Variants in FAM193A observed in about 807,000 individuals in gnomAD.
FAM193A encodes protein FAM193A.
In FAM193A, 22 loss-of-function variants were observed where a neutral mutation model predicts 126.5. The ratio of observed to expected loss-of-function variants is 0.17; its 90% confidence interval spans 0.12 to 0.25. FAM193A has a LOEUF of 0.25. FAM193A is among the 10% of genes least tolerant of loss of function. The pLI is 1.00. For missense variants in FAM193A, 1,675 were observed against 1,672.8 expected (o/e 1.00, Z -0.02); for synonymous variants, 761 against 646.8 (o/e 1.18, Z -2.68).
intron 13 of FAM193A, among the ~76,000 whole-genome samples, chr4:2,687,087 C>A (rs1376036628): frequency 6.6e-6 from 1 of 152,052 alleles, no homozygotes; most frequent in African/African-American, 2.4e-5. Flanking sequence ...CCTCCTCTCC[C>A]CCTTTGCCTT....
At position 2,625,574 on chromosome 4, in the gene FAM193A, C is replaced by G; in HGVS notation, c.635+179C>G. The G allele has an allele frequency of 8.8e-6, 4 of 456,214 alleles. No individual in the cohort carries two copies. The East Asian group carries it at 1.0e-4, about 11-fold the overall frequency. 28.3% of individuals were successfully genotyped at this position (456,214 alleles called of 1,614,324 possible). ...GACAAAAACTGTTGCTCTTGAGGAA[C>G]TGGCACTAGGAAGCATCCTCAGAAC... is the stretch of plus-strand genomic sequence containing the variant. On this transcript the variant is annotated intron_variant, in intron 3 of 20. Coordinates refer to ENST00000637812, the MANE Select transcript of FAM193A (RefSeq NM_001366318.2).
intron 1 of FAM193A, among the ~76,000 whole-genome samples, chr4:2,568,274 C>G (rs1739087730): frequency 6.6e-6 from 1 of 152,056 alleles, no homozygotes; most frequent in African/African-American, 2.4e-5. Context: ...ATTTTAAGGC[C>G]TAGTACGTTG....
intron 1 of FAM193A, among the ~76,000 whole-genome samples, chr4:2,542,816 G>A (rs1737311007): frequency 6.6e-6 from 1 of 152,110 alleles, no homozygotes; most frequent in Non-Finnish European, 1.5e-5. Context: ...TTTCAGGAGT[G>A]GTCACAGTCC....
At chr4:2,699,526 G>A (rs920763422) in intron 18 of FAM193A, among the ~76,000 whole-genome samples, 154 bp from the exon 19 acceptor site, 1 of 150,942 alleles carries the variant, frequency 6.6e-6, no homozygotes, top group African/African-American at 2.4e-5. Context: ...TAAGAGAATT[G>A]GAGGTGGGTG....
intron 18 of FAM193A, among the ~76,000 whole-genome samples, chr4:2,698,263 G>C (rs1326213191): frequency 6.6e-6 from 1 of 152,220 alleles, no homozygotes; most frequent in African/African-American, 2.4e-5. Flanking sequence ...CTTGTTATTT[G>C]TCCATATATT....
At position 2,616,563 on chromosome 4, in the gene FAM193A, AT is replaced by A. The variant is rs1176761666; in HGVS notation, c.502-8687del. ...GTTACTCTTCTTTTAAATGAATTGA[AT>A]TTTTTTTTTTTGAAACAGGGTCTCA... On this transcript the variant is annotated intron_variant, in intron 2 of 20. Coordinates refer to ENST00000637812, the MANE Select transcript of FAM193A (RefSeq NM_001366318.2). Among the ~76,000 whole-genome samples the A allele has an allele frequency of 4.0e-3, 587 of 145,500 alleles. 5 individuals are homozygous for A. The highest frequency in any genetic ancestry group is 0.013 in the African/African-American group (504 of 39,978).
intron 2 of FAM193A, among the ~76,000 whole-genome samples, chr4:2,617,262 A>ATATATATATATATATATTTT (rs1553895173): frequency 8.0e-5 from 2 of 25,076 alleles, no homozygotes; most frequent in African/African-American, 9.6e-4. Context: ...ATATATATAT[A>ATATATATATATATATATTTT]TTTTTTTTTT....
intron 1 of FAM193A, among the ~76,000 whole-genome samples, chr4:2,541,506 C>T (rs145606382): frequency 0.028 from 4,111 of 144,710 alleles, 207 homozygotes; most frequent in African/African-American, 0.1. Context: ...AGAGCAGTGG[C>T]GTGATCTTGA....
chr4:2,709,999 A>G (rs180760076), intron 19 of FAM193A, among the ~76,000 whole-genome samples: 16 of 152,254 alleles, frequency 1.1e-4, no homozygotes, highest in Admixed American at 1.0e-3. Context: ...AAGGTAGTCT[A>G]GTCATAGTTT....
At chr4:2,601,725 TAA>T (rs974230252) in intron 2 of FAM193A, among the ~76,000 whole-genome samples, 2 of 143,316 alleles carry the variant, frequency 1.4e-5, no homozygotes, top group African/African-American at 5.1e-5. Context: ...TCTGTCTCTA[TAA>T]AAAAAAAAAA....
At chr4:2,586,254 A>AAAT (rs1553889912) in intron 1 of FAM193A, among the ~76,000 whole-genome samples, 8 of 150,882 alleles carry the variant, frequency 5.3e-5, no homozygotes, top group East Asian at 3.9e-4. Context: ...CAAAAAAAAA[A>AAAT]ATATATATAT....
intron 12 of FAM193A, among the ~76,000 whole-genome samples, chr4:2,671,586 C>T (rs191712790): frequency 2.6e-5 from 4 of 152,302 alleles, no homozygotes; most frequent in Admixed American, 6.5e-5. Context: ...AAATGTGTCG[C>T]GGTATTTTCC....
At chr4:2,681,990 T>G (rs1404585353) in intron 13 of FAM193A, among the ~76,000 whole-genome samples, 3 of 145,978 alleles carry the variant, frequency 2.1e-5, no homozygotes, top group Admixed American at 6.8e-5. Context: ...TTTTTTGGTT[T>G]TTTTTTTTTT....
intron 18 of FAM193A, among the ~76,000 whole-genome samples, chr4:2,697,018 A>G (rs1309155158): frequency 6.6e-6 from 1 of 152,078 alleles, no homozygotes; most frequent in Non-Finnish European, 1.5e-5. Context: ...GGCACAGGGA[A>G]GTCTTCTGGA....
At chr4:2,623,336 A>G (rs1261331371) in intron 2 of FAM193A, among the ~76,000 whole-genome samples, 1 of 152,054 alleles carries the variant, frequency 6.6e-6, no homozygotes, top group African/African-American at 2.4e-5. Context: ...CACCCAGCTA[A>G]TTTTTGTGCT....
At chr4:2,717,789 G>T (rs1016967495) in intron 20 of FAM193A, among the ~76,000 whole-genome samples, 9 of 150,874 alleles carry the variant, frequency 6.0e-5, no homozygotes, top group African/African-American at 1.7e-4. Context: ...GAGTAGCTGG[G>T]ATTACAGGCG....
At chr4:2,722,367 A>G (rs1577276541) in intron 20 of FAM193A, among the ~76,000 whole-genome samples, 1 of 152,192 alleles carries the variant, frequency 6.6e-6, no homozygotes, top group African/African-American at 2.4e-5. Context: ...CTCTGTGCCC[A>G]TGCTGCAAGA....
At chr4:2,698,096 G>A (rs1334340055) in intron 18 of FAM193A, among the ~76,000 whole-genome samples, 2 of 152,200 alleles carry the variant, frequency 1.3e-5, no homozygotes, top group African/African-American at 4.8e-5. Context: ...CCATTTTACA[G>A]AGCAGCTCAC....
intron 2 of FAM193A, among the ~76,000 whole-genome samples, chr4:2,622,351 A>G (rs1336527497): frequency 1.3e-5 from 2 of 151,404 alleles, no homozygotes; most frequent in Non-Finnish European, 2.9e-5. Context: ...GGAGTCCCCA[A>G]GGGCAGAGGG....
Sources: allele counts gnomAD v4.1 joint callset (sites outside exome capture counted in the v4.1 genomes callset), GRCh38; gene constraint gnomAD v4.1.1; transcripts MANE v1.5; gene names NCBI Gene and HGNC (gene_info 2026-07-23, HGNC 2026-07-21).